Variants in SHTN1 observed in about 807,000 individuals in gnomAD.
SHTN1 encodes the protein shootin 1.
In SHTN1, 42 loss-of-function variants were observed where a neutral mutation model predicts 83.1. The observed-to-expected ratio is 0.51, with a 90% CI of 0.39 to 0.65. The LOEUF (loss-of-function observed/expected upper bound fraction) is 0.65, where lower values mean the gene tolerates loss of function less well. Ranked by LOEUF, SHTN1 falls within the 30% of genes least tolerant of loss-of-function variation. SHTN1 has a pLI of 0.00. For synonymous variants in SHTN1, 224 were observed against 247.7 expected, an observed-to-expected ratio of 0.90 and a Z score of 0.90; for missense variants, 622 against 737.8, an observed-to-expected ratio of 0.84 and a Z score of 1.82.
intron 1 of SHTN1, among the ~76,000 whole-genome samples, chr10:116,985,741 C>A (rs1476794305): frequency 6.6e-6 from 1 of 152,174 alleles, no homozygotes; most frequent in Non-Finnish European, 1.5e-5. Flanking sequence ...TCCATTCAGT[C>A]TGCATCTTTG....
At chr10:116,986,999 T>C (rs1189750387) in intron 1 of SHTN1, among the ~76,000 whole-genome samples, 1 of 152,004 alleles carries the variant, frequency 6.6e-6, no homozygotes, top group Non-Finnish European at 1.5e-5. Context: ...AGTGCTGGGA[T>C]TACAGGTGTG....
intron 2 of SHTN1, among the ~76,000 whole-genome samples, chr10:117,042,344 A>C (rs1481184929): frequency 6.6e-6 from 1 of 152,150 alleles, no homozygotes; most frequent in Non-Finnish European, 1.5e-5. Flanking sequence ...ACAGAAAAGA[A>C]TATATATTCC....
chr10:116,894,531 T>A (rs897523820), intron 16 of SHTN1, among the ~76,000 whole-genome samples: 1 of 152,090 alleles, frequency 6.6e-6, no homozygotes, highest in Non-Finnish European at 1.5e-5. Flanking sequence ...ACTTGAAGAA[T>A]CTCTGGCAAT....
In SHTN1 at chr10:116,911,786, T is replaced by C; in HGVS notation, c.1359+4A>G. 1 of 1,609,170 alleles carries C rather than the reference T, an allele frequency of 6.2e-7. No individual in the cohort carries two copies. Among genetic ancestry groups the C allele is most frequent in the Non-Finnish European group, 8.5e-7 (1 of 1,175,652 alleles). On this transcript the variant is annotated splice_donor_region_variant and intron_variant, in intron 14 of 16. Transcript: ENST00000355371. ...CTAAACAATAAACTGAAATCTATTCTTACCAGTATTCCTTTTAGTTCATCC... is the reference window on the plus strand; with the variant it reads ...CTAAACAATAAACTGAAATCTATTCCTACCAGTATTCCTTTTAGTTCATCC...
In SHTN1 at chr10:116,906,744, T is replaced by C. The variant is rs1334539668; in HGVS notation, c.1363A>G (p.Thr455Ala). The C allele has an allele frequency of 1.2e-6, 2 of 1,607,120 alleles. No individual in the cohort carries two copies. The highest frequency in any genetic ancestry group is 2.7e-5 in the African/African-American group (2 of 74,512). Residue 455 changes from threonine (T) to alanine (A), a missense_variant, in exon 15 of 17, where the codon ACA (threonine) becomes GCA (alanine). Thr to Ala is a moderately conservative substitution (Grantham distance 58). Coordinates refer to ENST00000355371, the MANE Select transcript of SHTN1 (RefSeq NM_001127211.3). ...CTTGAACTAGTGGATTTGTTAAGTG[T>C]CCCCTAAAGTGAAAACAAAACAAAA... Reference protein sequence around the residue: ...AVDELKGILGTLNKSTSSRSL... With the variant: ...AVDELKGILGALNKSTSSRSL...
At chr10:116,946,320 G>C (rs954201662) in intron 7 of SHTN1, among the ~76,000 whole-genome samples, 1 of 147,114 alleles carries the variant, frequency 6.8e-6, no homozygotes, top group Non-Finnish European at 1.5e-5. Flanking sequence ...TAAAGGTTGA[G>C]ATTTTTTTCT....
intron 10 of SHTN1, 103 bp from the exon 11 acceptor site, chr10:116,927,994 T>C: frequency 7.4e-7 from 1 of 1,342,894 alleles, no homozygotes; most frequent in South Asian, 1.3e-5. Context: ...GTAAGTTCTT[T>C]TTATTAAGGC....
chr10:117,043,991 A>C (rs1257387037), intron 2 of SHTN1, among the ~76,000 whole-genome samples: 2 of 152,210 alleles, frequency 1.3e-5, no homozygotes, highest in African/African-American at 4.8e-5. Flanking sequence ...AAATTAAATG[A>C]TTCTCCAGGA....
rs145129567 is a variant in SHTN1, at chr10:116,915,385, G to A, written c.1295C>T (p.Pro432Leu). The A allele has an allele frequency of 2.2e-5, 35 of 1,569,048 alleles. No individual in the cohort carries two copies. The highest frequency in any genetic ancestry group is 1.7e-4 in the Middle Eastern group (1 of 6,006). Residue 432 changes from proline to leucine, a missense_variant, in exon 13 of 17, where the codon CCG becomes CTG. By Grantham distance (98) the Pro-to-Leu change is moderately conservative (BLOSUM62 -3). Around this residue, in one of 3 missense-constraint regions of SHTN1, gnomAD observed 231 missense variants for 251.6 expected, o/e 0.92. Transcript: ENST00000355371. ...HLRPVNQTAR[P>L]KTKPESSKGC... ...TCAGTCACTCCATACCTTTGTCTTC[G>A]GTCTGGCTGTCTGATTAACGGGTCT...
chr10:117,102,751 T>C (rs574186794), intron 1 of SHTN1, among the ~76,000 whole-genome samples: 35 of 152,220 alleles, frequency 2.3e-4, no homozygotes, highest in African/African-American at 8.4e-4. Flanking sequence ...CCAAGGACTA[T>C]AAAGCTCTAT....
intron 1 of SHTN1, among the ~76,000 whole-genome samples, chr10:117,081,776 G>A (rs1401846491): frequency 2.8e-4 from 42 of 149,350 alleles, no homozygotes; most frequent in African/African-American, 1.0e-3. Flanking sequence ...GAGTGTATGT[G>A]TCAAGGAATT....
At chr10:117,016,405 TTTTG>T (rs922332184) in intron 2 of SHTN1, among the ~76,000 whole-genome samples, 24 of 152,122 alleles carry the variant, frequency 1.6e-4, no homozygotes, top group African/African-American at 4.1e-4. Context: ...AAATTATTCC[TTTTG>T]TTTGTTTGTT....
At chr10:117,076,600 A>G (rs1809278314) in intron 1 of SHTN1, among the ~76,000 whole-genome samples, 2 of 152,226 alleles carry the variant, frequency 1.3e-5, no homozygotes, top group South Asian at 4.1e-4. Flanking sequence ...ATTACAATGC[A>G]TATTTAGCTG....
At chr10:117,037,209 G>A (rs920447593) in intron 2 of SHTN1, among the ~76,000 whole-genome samples, 3 of 152,092 alleles carry the variant, frequency 2.0e-5, no homozygotes, top group African/African-American at 7.2e-5. Flanking sequence ...AGGCTGAGAT[G>A]GGAGGATTGC....
At position 116,993,626 on chromosome 10, in the gene SHTN1, T is replaced by C. The variant is rs558826871; in HGVS notation, c.58+11396A>G. ...TGCCTAACATACACGTGCTGTAAAA[T>C]GGATATGAGAAAAATAACCTGAGAT... On this transcript the variant is annotated intron_variant, in intron 1 of 16. Coordinates refer to ENST00000355371, the MANE Select transcript of SHTN1 (RefSeq NM_001127211.3). Among the ~76,000 whole-genome samples, 504 of 152,256 alleles carry C rather than the reference T, an allele frequency of 3.3e-3. 3 individuals are homozygous for C. The highest frequency in any genetic ancestry group is 0.01 in the Middle Eastern group (3 of 294).
intron 1 of SHTN1, among the ~76,000 whole-genome samples, chr10:116,979,727 C>T (rs572339960): frequency 6.6e-6 from 1 of 152,352 alleles, no homozygotes; most frequent in South Asian, 2.1e-4. Flanking sequence ...TGATGCTCAG[C>T]ACTTGGTCCT....
chr10:117,094,090 A>C (rs1333134506), intron 1 of SHTN1, among the ~76,000 whole-genome samples: 1 of 152,184 alleles, frequency 6.6e-6, no homozygotes, highest in South Asian at 2.1e-4. Context: ...ATCACAGAGT[A>C]TCTCTCCTCC....
intron 1 of SHTN1, among the ~76,000 whole-genome samples, chr10:117,106,354 C>T (rs1049521604): frequency 6.6e-6 from 1 of 151,932 alleles, no homozygotes; most frequent in African/African-American, 2.4e-5. Flanking sequence ...ACTCGTGAGG[C>T]TGAGGCAGGA....
chr10:116,905,723 T>C (rs1847942596), intron 15 of SHTN1, among the ~76,000 whole-genome samples: 1 of 152,208 alleles, frequency 6.6e-6, no homozygotes, highest in Non-Finnish European at 1.5e-5. Context: ...TGAAGCTGAC[T>C]GAACTCAATC....
Sources: gnomAD v4.1 joint callset for allele counts (sites outside exome capture counted in the v4.1 genomes callset) on GRCh38, gnomAD v4.1.1 for gene constraint, gnomAD v4.1.1 regional missense constraint, MANE v1.5 for transcripts, NCBI Gene and HGNC (gene_info 2026-07-23, HGNC 2026-07-21) for gene names.